The following ASIC1 variants were observed in gnomAD, a reference collection of about 807,000 sequenced individuals.
The protein encoded by ASIC1 is acid-sensing ion channel 1.
A neutral mutation model predicts 63.4 loss-of-function variants in ASIC1; 21 were observed. The observed-to-expected ratio is 0.33, with a 90% confidence interval of 0.23 to 0.48. ASIC1 has a LOEUF of 0.48. Among genes scored for constraint, ASIC1 ranks in the 20% least tolerant of loss-of-function variants. The probability of loss-of-function intolerance (pLI) is 0.99; values close to 1 mark genes in which losing one functional copy is unlikely to be tolerated. For missense variants in ASIC1, 478 were observed against 695.5 expected (o/e 0.69, Z 3.52); for synonymous variants, 258 against 278.2 (o/e 0.93, Z 0.72).
intron 3 of ASIC1, 81 bp from the exon 4 acceptor site, chr12:50,077,132 C>T: frequency 6.2e-7 from 1 of 1,605,638 alleles, no homozygotes; most frequent in Non-Finnish European, 8.5e-7. Context: ...GAGATTCCAA[C>T]AGCTGGGGTG....
intron 3 of ASIC1, among the ~76,000 whole-genome samples, chr12:50,068,113 T>C (rs1340243465): frequency 2.0e-5 from 3 of 152,182 alleles, no homozygotes; most frequent in Non-Finnish European, 2.9e-5. Flanking sequence ...CTCCATACAG[T>C]GTATACTCTT....
rs930444868 is a variant in ASIC1 at position 50,074,617 on chromosome 12, A to G, written c.559-2596A>G. On this transcript the variant is annotated intron_variant, in intron 3 of 11. Transcript: ENST00000447966. This position sits in a 1 kb window ranked among gnomAD's most constrained non-coding sequence, Gnocchi z 4.2. ...AGGTCAACCTTTGATCTGTTGGTGG[A>G]CGCCAGTGCCTGGCCAGTTGTTCAC... Among the ~76,000 whole-genome samples, 3 of 152,096 alleles carry G rather than the reference A, an allele frequency of 2.0e-5. No individual in the cohort carries two copies. Among genetic ancestry groups the G allele is most frequent in the Non-Finnish European group, 4.4e-5 (3 of 68,024 alleles).
rs529791470 is a variant in ASIC1, at chr12:50,057,845, G to A, written c.-88G>A. The A allele has an allele frequency of 1.3e-5, 2 of 151,380 alleles. No homozygotes were observed. The highest frequency in any genetic ancestry group is 2.4e-5 in the African/African-American group (1 of 41,416). 9.4% of individuals were successfully genotyped at this position (151,380 alleles called of 1,614,324 possible). A position where few individuals can be genotyped will look rare whatever the true frequency, so the allele number is the denominator to read the frequency against. The stretch of plus-strand genomic sequence containing the variant: ...CGGGCCATGAGCCCCTCCGCGACTC[G>A]GCGCTGAGCCCGCCACCGGTCCAGC... On this transcript the variant is annotated 5_prime_UTR_variant, in exon 1 of 12. Transcript: ENST00000447966. The surrounding 1 kb of genome is among the most constrained non-coding windows in gnomAD (Gnocchi z 4.7).
rs923366757 is a variant in ASIC1, at chr12:50,078,811, C to T, written c.995-113C>T. The T allele has an allele frequency of 7.3e-7, 1 of 1,377,164 alleles. No individual in the cohort carries two copies. Among genetic ancestry groups the T allele is most frequent in the Non-Finnish European group, 1.0e-6 (1 of 968,192 alleles). The allele number at this position is 1,377,164 out of a possible 1,614,324, so 85.3% of individuals were successfully genotyped here. ...CTTCTGGGGCAGCATGGGGGCCTGC[C>T]AGTCCTCCCTTCCCATCTTCTCCCA... On this transcript the variant is annotated intron_variant, in intron 6 of 11. Transcript: ENST00000447966. This position sits in a 1 kb window ranked among gnomAD's most constrained non-coding sequence, Gnocchi z 6.0.
At chr12:50,077,481 G>C (rs1454318037) in intron 4 of ASIC1, 118 bp downstream of exon 4, 3 of 1,389,450 alleles carry the variant, frequency 2.2e-6, no homozygotes, top group African/African-American at 2.9e-5. Context: ...TCTCCCTCCA[G>C]CATCTCACCA....
intron 7 of ASIC1, 26 bp from the exon 8 acceptor site, chr12:50,079,876 G>A: frequency 1.3e-6 from 2 of 1,582,376 alleles, no homozygotes; most frequent in Non-Finnish European, 1.7e-6. Context: ...CCACTCAACT[G>A]AGACCTCTCA....
intron 1 of ASIC1, 123 bp from the exon 2 acceptor site, chr12:50,058,628 A>G: frequency 7.9e-7 from 1 of 1,273,742 alleles, no homozygotes; most frequent in Non-Finnish European, 1.1e-6. Context: ...CAAAGCAGGG[A>G]AGTCTTCTGC....
rs539082425 is a variant in ASIC1 at position 50,060,627 on chromosome 12, G to C, written c.558+673G>C. Among the ~76,000 whole-genome samples, 13 of 152,354 alleles carry C rather than the reference G, an allele frequency of 8.5e-5. No individual in the cohort carries two copies. The South Asian group carries it at 2.7e-3, about 32-fold the overall frequency. ...GAAAGGAAGGCCATCGGGACACCCA[G>C]TCATGGCTGCCCTGGAGGCTTCCTT... On this transcript the variant is annotated intron_variant, in intron 3 of 11. Transcript: ENST00000447966.
In ASIC1 at chr12:50,082,059, C is replaced by A; in HGVS notation, c.*410C>A. ...GATCTCTGGGGTCTGGAATTTGGCC[C>A]CAAACCAGAGAATGTACCTTAAGGG... On this transcript the variant is annotated 3_prime_UTR_variant, in exon 12 of 12. Coordinates refer to ENST00000447966, the MANE Select transcript of ASIC1 (RefSeq NM_001095.4). 1 of 194,234 alleles carries A rather than the reference C, an allele frequency of 5.1e-6. No homozygotes were observed. Among genetic ancestry groups the A allele is most frequent in the Non-Finnish European group, 1.1e-5 (1 of 94,646 alleles). 12.0% of individuals were successfully genotyped at this position (194,234 alleles called of 1,614,324 possible).
intron 3 of ASIC1, among the ~76,000 whole-genome samples, chr12:50,068,490 A>G (rs1950566976): frequency 6.6e-6 from 1 of 151,696 alleles, no homozygotes; most frequent in Admixed American, 6.6e-5. Context: ...TTTATATTCT[A>G]TTCTTGGGCA....
At chr12:50,060,640 T>C (rs955498669) in intron 3 of ASIC1, among the ~76,000 whole-genome samples, 1 of 152,216 alleles carries the variant, frequency 6.6e-6, no homozygotes, top group Non-Finnish European at 1.5e-5. Context: ...ATGGCTGCCC[T>C]GGAGGCTTCC....
Position 50,079,891 on chromosome 12 carries a change from G to C in ASIC1, c.1052-11G>C, listed in dbSNP as rs774238627. ...CCACTCAACTGAGACCTCTCACCTG[G>C]CTGAGTGCAGACTTCCTGGTGGAGA... On this transcript the variant is annotated splice_polypyrimidine_tract_variant and intron_variant, in intron 7 of 11. Transcript: ENST00000447966. The C allele has an allele frequency of 6.3e-7, 1 of 1,593,774 alleles. No individual in the cohort carries two copies. Among genetic ancestry groups the C allele is most frequent in the South Asian group, 1.1e-5 (1 of 87,362 alleles).
chr12:50,077,878 T>A, intron 4 of ASIC1, 122 bp from the exon 5 acceptor site: 1 of 1,441,132 alleles, frequency 6.9e-7, no homozygotes, highest in Non-Finnish European at 9.4e-7. Flanking sequence ...CCCTATAGAC[T>A]TCCCCCACCC....
intron 3 of ASIC1, among the ~76,000 whole-genome samples, chr12:50,060,583 C>T (rs1950492308): frequency 2.6e-5 from 4 of 152,188 alleles, no homozygotes; most frequent in African/African-American, 4.8e-5. Flanking sequence ...CGGCAAGAGC[C>T]GCAGAGCCAG....
rs775776442 is a variant in ASIC1, at chr12:50,081,093, C to T, written c.1298-9C>T. ...ACCCCACTGACCCCCCTGGCGCCTG[C>T]CCCCGCAGGTGACATCGGGGGCCAG... On this transcript the variant is annotated splice_polypyrimidine_tract_variant and intron_variant, in intron 9 of 11. Transcript: ENST00000447966. 7.4e-5 allele frequency: 118 copies of T among 1,587,050 alleles called. No homozygotes were observed. Among genetic ancestry groups the T allele is most frequent in the Middle Eastern group, 5.3e-4 (3 of 5,632 alleles).
chr12:50,058,108 C>T (rs1950463521), intron 1 of ASIC1, among the ~76,000 whole-genome samples, 192 bp downstream of exon 1: 1 of 152,014 alleles, frequency 6.6e-6, no homozygotes, highest in African/African-American at 2.4e-5. Flanking sequence ...GGGGACAGCT[C>T]GCTGTCATAG....
intron 3 of ASIC1, among the ~76,000 whole-genome samples, chr12:50,070,184 CTG>C (rs1565728171): frequency 1.3e-5 from 2 of 152,222 alleles, no homozygotes; most frequent in East Asian, 1.9e-4. Flanking sequence ...GAGTGCAGCT[CTG>C]TGTGTGTGTC....
chr12:50,062,946 T>G (rs1950513794), intron 3 of ASIC1, among the ~76,000 whole-genome samples: 1 of 152,136 alleles, frequency 6.6e-6, no homozygotes, highest in Non-Finnish European at 1.5e-5. Context: ...TGGGAGAGAC[T>G]GGTTTGGAAA....
At position 50,078,261 on chromosome 12, in the gene ASIC1, A is replaced by T; in HGVS notation, c.837+134A>T. 2 of 1,509,670 alleles carry T rather than the reference A, an allele frequency of 1.3e-6. No individual in the cohort carries two copies. Among genetic ancestry groups the T allele is most frequent in the Middle Eastern group, 1.8e-4 (1 of 5,560 alleles). 93.5% of individuals were successfully genotyped at this position (1,509,670 alleles called of 1,614,324 possible). ...ATCTGGCTAGTCAGAAGCATGAGTG[A>T]TCGAATGAACAAGAATGCTCTGTAA... On this transcript the variant is annotated intron_variant, in intron 5 of 11. Transcript: ENST00000447966. This position sits in a 1 kb window ranked among gnomAD's most constrained non-coding sequence, Gnocchi z 6.0.
Sources: gnomAD v4.1 joint callset for allele counts (sites outside exome capture counted in the v4.1 genomes callset) on GRCh38, gnomAD v4.1.1 for gene constraint, Gnocchi (gnomAD v3.1) non-coding constraint, MANE v1.5 for transcripts, NCBI Gene and HGNC (gene_info 2026-07-23, HGNC 2026-07-21) for gene names.